Variants in RYR2 observed in about 807,000 individuals in gnomAD.
The protein encoded by RYR2 is cardiac muscle ryanodine receptor-calcium release channel.
Under a neutral mutation model 601.1 loss-of-function variants are expected in RYR2, and 227 were observed. The ratio of observed to expected loss-of-function variants is 0.38; its 90% CI spans 0.34 to 0.42. The LOEUF is 0.42. Among genes scored for constraint, RYR2 ranks in the 10% least tolerant of loss-of-function variants. The pLI is 1.00. For missense variants in RYR2, 4,646 were observed against 6,156.5 expected (o/e 0.75, Z 8.21); for synonymous variants, 2,223 against 2,175.1 (o/e 1.02, Z -0.61).
At chr1:237,192,633 C>T (rs1293924303) in intron 1 of RYR2, among the ~76,000 whole-genome samples, 1 of 152,196 alleles carries the variant, frequency 6.6e-6, no homozygotes, top group African/African-American at 2.4e-5. Flanking sequence ...TAAGGCATTG[C>T]CTTTACACAG....
chr1:237,107,324 A>T (rs906872417), intron 1 of RYR2, among the ~76,000 whole-genome samples: 20 of 151,482 alleles, frequency 1.3e-4, no homozygotes, highest in Non-Finnish European at 2.2e-4. Flanking sequence ...GATCGAGACC[A>T]TCCTGGCTAA....
At chr1:237,506,586 C>A in intron 22 of RYR2, 124 bp from the exon 23 acceptor site, 3 of 561,566 alleles carry the variant, frequency 5.3e-6, no homozygotes, top group Non-Finnish European at 9.3e-6. Context: ...TGGCTTAGAA[C>A]TTTGTTCTAT....
At position 237,270,487 on chromosome 1, in the gene RYR2, C is replaced by A. The variant is rs760891474; in HGVS notation, c.49-10C>A. 6.4e-7 allele frequency: 1 copy of A among 1,568,400 alleles called. No homozygotes were observed. Among genetic ancestry groups the A allele is most frequent in the Non-Finnish European group, 8.7e-7 (1 of 1,155,722 alleles). On this transcript the variant is annotated splice_polypyrimidine_tract_variant and intron_variant, in intron 1 of 104. Transcript: ENST00000366574. The stretch of plus-strand genomic sequence containing the variant: ...CACTTATTTTTCCCTCTCTTTCTCC[C>A]CCTTTGCAGGATGATGAAGTGGTTC...
chr1:237,393,961 T>C (rs1320417456), intron 10 of RYR2, among the ~76,000 whole-genome samples: 2 of 152,172 alleles, frequency 1.3e-5, no homozygotes, highest in Admixed American at 6.5e-5. Flanking sequence ...TGTTGGATCT[T>C]GGCAAAAATG....
At position 237,742,358 on chromosome 1, in the gene RYR2, G is replaced by T; in HGVS notation, c.11145+9G>T. 6.5e-7 allele frequency: 1 copy of T among 1,549,250 alleles called. No homozygotes were observed. Among genetic ancestry groups the T allele is most frequent in the Non-Finnish European group, 8.8e-7 (1 of 1,136,106 alleles). ...AAGTGAAGAGTTTTGAAGTAAGATG[G>T]ATCTTTCTGGATTTGCCTTTCTTTC... On this transcript the variant is annotated intron_variant, in intron 80 of 104. Transcript: ENST00000366574.
intron 10 of RYR2, among the ~76,000 whole-genome samples, chr1:237,407,133 T>C (rs1703979725): frequency 6.6e-6 from 1 of 152,220 alleles, no homozygotes; most frequent in African/African-American, 2.4e-5. Context: ...TCTGCATATA[T>C]GGCCCCTCTA....
intron 2 of RYR2, among the ~76,000 whole-genome samples, chr1:237,289,978 C>T (rs1692029518): frequency 6.6e-6 from 1 of 152,148 alleles, no homozygotes; most frequent in African/African-American, 2.4e-5. Flanking sequence ...AACAGTTTGT[C>T]AGTTCCTTAT....
intron 76 of RYR2, among the ~76,000 whole-genome samples, chr1:237,728,733 A>G (rs1427294267): frequency 2.7e-5 from 4 of 150,684 alleles, no homozygotes; most frequent in African/African-American, 9.8e-5. Context: ...GAGTCGAACA[A>G]TGAGAACACA....
chr1:237,132,644 G>A lies in RYR2; in HGVS notation c.48+90075G>A, dbSNP rs1282737996. 3.3e-5 allele frequency among the ~76,000 whole-genome samples: 5 copies of A among 152,152 alleles called. No homozygotes were observed. The East Asian group carries it at 9.6e-4, about 29-fold the overall frequency. On this transcript the variant is annotated intron_variant, in intron 1 of 104. Coordinates refer to ENST00000366574, the MANE Select transcript of RYR2 (RefSeq NM_001035.3). ...ACTGAACATCACATCTGAGATATGTGAGGAAAATATGAAACCCATGCAGTG... is the reference window on the plus strand; with the variant it reads ...ACTGAACATCACATCTGAGATATGTAAGGAAAATATGAAACCCATGCAGTG...
chr1:237,089,272 G>A (rs887518905), intron 1 of RYR2, among the ~76,000 whole-genome samples: 3 of 152,192 alleles, frequency 2.0e-5, no homozygotes, highest in Non-Finnish European at 4.4e-5. Context: ...AGGCCTGTTT[G>A]AGAATAAGCA....
chr1:237,280,871 A>C (rs1241532777), intron 2 of RYR2, among the ~76,000 whole-genome samples: 1 of 150,140 alleles, frequency 6.7e-6, no homozygotes, highest in Non-Finnish European at 1.5e-5. Context: ...TGCAACCTCC[A>C]CCTTCTAGGT....
At chr1:237,567,411 T>G (rs996907093) in intron 28 of RYR2, among the ~76,000 whole-genome samples, 1 of 50,880 alleles carries the variant, frequency 2.0e-5, no homozygotes, top group African/African-American at 4.9e-5. Context: ...AGATCCTGTC[T>G]CTACAAAAAA....
At chr1:237,066,252 C>T (rs560222437) in intron 1 of RYR2, among the ~76,000 whole-genome samples, 4 of 152,256 alleles carry the variant, frequency 2.6e-5, no homozygotes, top group Middle Eastern at 3.4e-3. Context: ...ACATCTTGGT[C>T]GTTTTCAGTT....
At chr1:237,198,416 A>G (rs141973642) in intron 1 of RYR2, among the ~76,000 whole-genome samples, 149 of 145,966 alleles carry the variant, frequency 1.0e-3, no homozygotes, top group African/African-American at 3.6e-3. Flanking sequence ...CTTTTTAAGT[A>G]TGTTTGAATA....
At chr1:237,571,152 C>A (rs1187262374) in intron 29 of RYR2, among the ~76,000 whole-genome samples, 1 of 151,964 alleles carries the variant, frequency 6.6e-6, no homozygotes, top group African/African-American at 2.4e-5. Flanking sequence ...AACCTTATTT[C>A]AAAGATAAGC....
chr1:237,342,227 C>T (rs1235149611), intron 3 of RYR2, among the ~76,000 whole-genome samples: 1 of 151,576 alleles, frequency 6.6e-6, no homozygotes, highest in African/African-American at 2.4e-5. Context: ...TAGCTCTCTG[C>T]AGCCTCCAAT....
intron 2 of RYR2, among the ~76,000 whole-genome samples, chr1:237,300,225 G>A (rs1693214779): frequency 6.6e-6 from 1 of 152,170 alleles, no homozygotes; most frequent in Non-Finnish European, 1.5e-5. Flanking sequence ...GGACCACCAG[G>A]AAACATCTGA....
intron 99 of RYR2, among the ~76,000 whole-genome samples, chr1:237,808,310 T>C (rs760744115): frequency 7.9e-5 from 12 of 152,154 alleles, no homozygotes; most frequent in Non-Finnish European, 1.8e-4. Flanking sequence ...TTTACAGTCA[T>C]AACAAAAACG....
intron 1 of RYR2, among the ~76,000 whole-genome samples, chr1:237,269,899 T>C (rs2149344816): frequency 6.6e-6 from 1 of 152,352 alleles, no homozygotes; most frequent in South Asian, 2.1e-4. Flanking sequence ...GAAACCTGTT[T>C]TGGCTTTCAG....
Sources: gnomAD v4.1 joint callset for allele counts (sites outside exome capture counted in the v4.1 genomes callset) on GRCh38, gnomAD v4.1.1 for gene constraint, MANE v1.5 for transcripts, NCBI Gene and HGNC (gene_info 2026-07-23, HGNC 2026-07-21) for gene names.